Variants in RBMS3 observed in about 807,000 individuals in gnomAD.
RBMS3 encodes the protein RNA binding motif single stranded interacting protein 3, also known as RNA-binding motif, single-stranded-interacting protein 3.
RBMS3 carries 27 observed loss-of-function variants against 66.8 expected under a neutral mutation model. The ratio of observed to expected loss-of-function variants is 0.40; its 90% CI spans 0.30 to 0.56. RBMS3 has a LOEUF of 0.56. Ranked by LOEUF, RBMS3 falls within the 20% of genes least tolerant of loss-of-function variation. RBMS3 has a pLI of 0.40. For missense variants in RBMS3, 513 were observed against 549.5 expected, an observed-to-expected ratio of 0.93 and a Z score of 0.66; for synonymous variants, 188 against 183.0, an observed-to-expected ratio of 1.03 and a Z score of -0.22.
At chr3:29,834,107 C>G (rs12715163) in intron 6 of RBMS3, among the ~76,000 whole-genome samples, 78,944 of 151,638 alleles carry the variant, frequency 0.52, 21,024 homozygotes, top group Non-Finnish European at 0.57. Context: ...CTTCAGAAAT[C>G]GAGAGATAAA....
rs2047209683 is a variant in RBMS3 at position 29,578,701 on chromosome 3, G to C, written c.308-8413G>C. Among the ~76,000 whole-genome samples, 5 of 151,420 alleles carry C rather than the reference G, an allele frequency of 3.3e-5. No homozygotes were observed. In the South Asian group the frequency reaches 8.3e-4, roughly 25 times the overall value. ...TGCAAAAGCACACACGGCTCTATAAGGAAATTTAGATCAAGTGACAAGTTG... is the reference window on the plus strand; with the variant it reads ...TGCAAAAGCACACACGGCTCTATAACGAAATTTAGATCAAGTGACAAGTTG... On this transcript the variant is annotated intron_variant, in intron 3 of 14. Transcript: ENST00000383767.
chr3:29,358,796 C>A (rs1298585465), intron 1 of RBMS3, among the ~76,000 whole-genome samples: 1 of 152,072 alleles, frequency 6.6e-6, no homozygotes, highest in Non-Finnish European at 1.5e-5. Flanking sequence ...GTATTTTATT[C>A]TCTTTGAAGC....
intron 1 of RBMS3, among the ~76,000 whole-genome samples, chr3:29,364,573 AC>A (rs2037789676): frequency 1.3e-5 from 2 of 152,304 alleles, no homozygotes; most frequent in South Asian, 4.1e-4. Flanking sequence ...TAGCAGCAAA[AC>A]ATCATAGATA....
intron 1 of RBMS3, among the ~76,000 whole-genome samples, chr3:29,425,857 C>G (rs1168467371): frequency 6.6e-6 from 1 of 152,148 alleles, no homozygotes; most frequent in African/African-American, 2.4e-5. Flanking sequence ...TCTGGGTTTT[C>G]CCTCATTGCC....
intron 1 of RBMS3, among the ~76,000 whole-genome samples, chr3:29,292,088 A>G (rs942807692): frequency 1.3e-5 from 2 of 151,612 alleles, no homozygotes; most frequent in Admixed American, 6.6e-5. Flanking sequence ...TAATCACCCT[A>G]TGTTTTGATT....
intron 10 of RBMS3, among the ~76,000 whole-genome samples, chr3:29,901,005 C>T (rs902709589): frequency 3.3e-5 from 5 of 151,400 alleles, no homozygotes; most frequent in Admixed American, 6.6e-5. Context: ...TTGCTCCAAA[C>T]ATTTTGATAG....
intron 4 of RBMS3, chr3:29,641,027 A>C (rs2049683846): frequency 6.6e-6 from 1 of 152,014 alleles, no homozygotes; most frequent in African/African-American, 2.4e-5. Flanking sequence ...TATGAAATGT[A>C]TTTGTTCATA....
At chr3:29,797,278 A>G (rs1046319300) in intron 6 of RBMS3, among the ~76,000 whole-genome samples, 2 of 152,188 alleles carry the variant, frequency 1.3e-5, no homozygotes, top group Non-Finnish European at 2.9e-5. Context: ...GTTTTATGTT[A>G]TGGAAACAGC....
chr3:29,669,534 G>A (rs1235830361), intron 4 of RBMS3, among the ~76,000 whole-genome samples: 2 of 152,124 alleles, frequency 1.3e-5, no homozygotes, highest in African/African-American at 2.4e-5. Flanking sequence ...AAAAAATCAG[G>A]ATATTTTTGT....
At chr3:29,975,755 G>T (rs996054454) in intron 12 of RBMS3, among the ~76,000 whole-genome samples, 1 of 151,668 alleles carries the variant, frequency 6.6e-6, no homozygotes, top group Non-Finnish European at 1.5e-5. Flanking sequence ...AGTAACTATT[G>T]ATATCTAGTA....
At chr3:29,454,457 A>G (rs2042116094) in intron 2 of RBMS3, among the ~76,000 whole-genome samples, 1 of 152,162 alleles carries the variant, frequency 6.6e-6, no homozygotes, top group Admixed American at 6.5e-5. Flanking sequence ...CTCCCAGGGA[A>G]AGTTGAAGTA....
In RBMS3 at chr3:29,457,454, G is replaced by T. The variant is rs146303822; in HGVS notation, c.248+22539G>T. 4.9e-3 allele frequency among the ~76,000 whole-genome samples: 743 copies of T among 152,298 alleles called. 4 individuals carry two copies. The highest frequency in any genetic ancestry group is 0.017 in the African/African-American group (714 of 41,566). ...GATTCTCACATGGCCTGAAGCAGTG[G>T]CTCACACCTGTAATCCCAGCACTTT... On this transcript the variant is annotated intron_variant, in intron 2 of 14. Transcript: ENST00000383767.
chr3:29,901,951 C>A (rs2060264812), intron 10 of RBMS3, among the ~76,000 whole-genome samples: 1 of 151,746 alleles, frequency 6.6e-6, no homozygotes, highest in African/African-American at 2.4e-5. Context: ...GTAACTTTAC[C>A]CAACTGGCTT....
rs750653218 is a variant in RBMS3, at chr3:29,897,493, G to A, written c.888+18G>A. The A allele has an allele frequency of 2.2e-5, 35 of 1,592,240 alleles. No individual in the cohort carries two copies. The South Asian group carries it at 3.6e-4, about 17-fold the overall frequency. The stretch of plus-strand genomic sequence containing the variant: ...CATACCAGGTATGTCCAATTTACCT[G>A]CACCTTAGGAGATATCTTTCTTGCA... On this transcript the variant is annotated intron_variant, in intron 9 of 14. Coordinates refer to ENST00000383767, the MANE Select transcript of RBMS3 (RefSeq NM_001003793.3).
intron 6 of RBMS3, among the ~76,000 whole-genome samples, chr3:29,826,512 AGT>A (rs1308960354): frequency 1.3e-5 from 2 of 152,090 alleles, no homozygotes; most frequent in Non-Finnish European, 2.9e-5. Context: ...CTACTGTATT[AGT>A]CTTCTATTGG....
At position 29,884,034 on chromosome 3, in the gene RBMS3, T is replaced by A; in HGVS notation, c.745-128T>A. 3 of 765,304 alleles carry A rather than the reference T, an allele frequency of 3.9e-6. No homozygotes were observed. In the South Asian group the frequency reaches 5.5e-5, roughly 14 times the overall value. 47.4% of individuals were successfully genotyped at this position (765,304 alleles called of 1,614,324 possible). Reference sequence around the variant, plus strand: ...CTAGTCTTGGCAGTAAGCATAGAGATATACATAGGAGAAAATAAACTTAGA... The same window carrying A: ...CTAGTCTTGGCAGTAAGCATAGAGAAATACATAGGAGAAAATAAACTTAGA... On this transcript the variant is annotated intron_variant, in intron 7 of 14. Coordinates refer to ENST00000383767, the MANE Select transcript of RBMS3 (RefSeq NM_001003793.3).
intron 6 of RBMS3, among the ~76,000 whole-genome samples, chr3:29,785,784 G>T (rs991596624): frequency 2.9e-4 from 44 of 152,036 alleles, no homozygotes; most frequent in African/African-American, 9.9e-4. Flanking sequence ...ACTGGAACAA[G>T]AGAAGGACTC....
intron 1 of RBMS3, among the ~76,000 whole-genome samples, chr3:29,368,720 G>T (rs1207175441): frequency 1.3e-5 from 2 of 152,010 alleles, no homozygotes; most frequent in Non-Finnish European, 1.5e-5. Flanking sequence ...ATATACTGTT[G>T]CTGGGAATGT....
intron 1 of RBMS3, among the ~76,000 whole-genome samples, chr3:29,378,921 G>A (rs2038626040): frequency 6.6e-6 from 1 of 152,104 alleles, no homozygotes; most frequent in Admixed American, 6.6e-5. Context: ...ATGGTATTTG[G>A]GAGACTATCT....
Sources: allele counts gnomAD v4.1 joint callset (sites outside exome capture counted in the v4.1 genomes callset), GRCh38; gene constraint gnomAD v4.1.1; transcripts MANE v1.5; gene names NCBI Gene and HGNC (gene_info 2026-07-23, HGNC 2026-07-21).